The following PRICKLE2 variants were observed in gnomAD, a reference collection of about 807,000 sequenced individuals.
PRICKLE2 encodes the protein prickle-like protein 2.
In PRICKLE2, 21 loss-of-function variants were observed where a neutral mutation model predicts 81.4. That is an observed-to-expected ratio of 0.26 (90% confidence interval 0.18 to 0.37). PRICKLE2 has a LOEUF of 0.37. PRICKLE2 is among the 10% of genes least tolerant of loss of function. PRICKLE2 has a pLI of 1.00. For synonymous variants in PRICKLE2, 456 were observed against 421.5 expected (o/e 1.08, Z -1.00); for missense variants, 940 against 1,109.0 (o/e 0.85, Z 2.16).
intron 7 of PRICKLE2, among the ~76,000 whole-genome samples, chr3:64,126,208 G>T (rs1238927433): frequency 1.3e-5 from 2 of 152,136 alleles, no homozygotes; most frequent in Non-Finnish European, 2.9e-5. Flanking sequence ...TTTTTCTGGG[G>T]CTGAAACAGT....
At chr3:64,168,625 T>G (rs980841952) in intron 2 of PRICKLE2, among the ~76,000 whole-genome samples, 1 of 152,174 alleles carries the variant, frequency 6.6e-6, no homozygotes, top group Non-Finnish European at 1.5e-5. Context: ...CTCATCAGAT[T>G]GAATATCACA....
intron 2 of PRICKLE2, among the ~76,000 whole-genome samples, chr3:64,263,194 C>T (rs561818727): frequency 6.6e-6 from 1 of 152,322 alleles, no homozygotes; most frequent in Non-Finnish European, 1.5e-5. Context: ...AAGAGAACCA[C>T]TGCTAGAAGG....
chr3:64,264,842 C>T (rs1212072391), intron 2 of PRICKLE2, among the ~76,000 whole-genome samples: 1 of 152,144 alleles, frequency 6.6e-6, no homozygotes, highest in Non-Finnish European at 1.5e-5. Context: ...GGCATCTTGC[C>T]TGGGAAGATG....
chr3:64,098,929 A>G lies in PRICKLE2; in HGVS notation c.*122T>C. The G allele has an allele frequency of 9.1e-7, 1 of 1,103,068 alleles. No individual in the cohort carries two copies. The highest frequency in any genetic ancestry group is 1.4e-6 in the Non-Finnish European group (1 of 724,236). 68.3% of individuals were successfully genotyped at this position (1,103,068 alleles called of 1,614,324 possible). Reference sequence around the variant, plus strand: ...TGTAACCTTGCCTCCATCTACTGACAGCATTTTCCCTTTTCTCCCCCATAA... The same window carrying G: ...TGTAACCTTGCCTCCATCTACTGACGGCATTTTCCCTTTTCTCCCCCATAA... On this transcript the variant is annotated 3_prime_UTR_variant, in exon 8 of 8. Transcript: ENST00000638394.
chr3:64,099,339 A>C lies in PRICKLE2; in HGVS notation c.2247T>G (p.Pro749=). 3 of 1,614,208 alleles carry C rather than the reference A, an allele frequency of 1.9e-6. No individual in the cohort carries two copies. The highest frequency in any genetic ancestry group is 2.5e-6 in the Non-Finnish European group (3 of 1,180,012). Residue 749 remains proline (P), a synonymous_variant, in exon 8 of 8, where the codon CCT becomes CCG. Transcript: ENST00000638394. This position sits in a 1 kb window ranked among gnomAD's most constrained non-coding sequence, Gnocchi z 4.3. ...GSRRDLYGQC[P]RTVSDLALQN... ...GCAAAGCCAGGTCCGACACAGTCCT[A>C]GGGCACTGGCCGTACAGGTCCCTCC...
intron 3 of PRICKLE2, among the ~76,000 whole-genome samples, chr3:64,161,121 GAGAGAT>G (rs2077726503): frequency 7.9e-6 from 1 of 127,258 alleles, no homozygotes; most frequent in South Asian, 2.7e-4. Flanking sequence ...GTGTGAGTTA[GAGAGAT>G]ATGAGACACC....
chr3:64,244,203 C>T (rs943645798), intron 2 of PRICKLE2, among the ~76,000 whole-genome samples: 1 of 152,190 alleles, frequency 6.6e-6, no homozygotes, highest in African/African-American at 2.4e-5. Flanking sequence ...AACCACAGTC[C>T]TGGAACACCT....
In PRICKLE2 at chr3:64,097,465, C is replaced by A. The variant is rs956468565; in HGVS notation, c.*1586G>T. Reference sequence around the variant, plus strand: ...TGGGTCATCCGATGGATTATTTCAACTGCCACAATCCATTAAGGGGAGGAG... The same window carrying A: ...TGGGTCATCCGATGGATTATTTCAAATGCCACAATCCATTAAGGGGAGGAG... On this transcript the variant is annotated 3_prime_UTR_variant, in exon 8 of 8. Transcript: ENST00000638394. 4 of 152,600 alleles carry A rather than the reference C, an allele frequency of 2.6e-5. No individual in the cohort carries two copies. The highest frequency in any genetic ancestry group is 4.4e-5 in the Non-Finnish European group (3 of 68,032). 9.5% of individuals were successfully genotyped at this position (152,600 alleles called of 1,614,324 possible).
intron 2 of PRICKLE2, among the ~76,000 whole-genome samples, chr3:64,230,498 C>T (rs2079087402): frequency 6.6e-6 from 1 of 152,130 alleles, no homozygotes. Context: ...ATATTTGAAA[C>T]ATGTGAAGCT....
At chr3:64,199,031 G>A in intron 1 of PRICKLE2, 64 bp from the exon 2 acceptor site, 7 of 1,465,274 alleles carry the variant, frequency 4.8e-6, no homozygotes, top group Non-Finnish European at 5.6e-6. Context: ...CCAAGAGCCT[G>A]CCAGTCACTA....
At chr3:64,251,148 T>C (rs1261120677) in intron 2 of PRICKLE2, among the ~76,000 whole-genome samples, 1 of 152,212 alleles carries the variant, frequency 6.6e-6, no homozygotes, top group Non-Finnish European at 1.5e-5. Context: ...ATCCAACATG[T>C]GGTGCCCAGT....
chr3:64,231,141 T>C (rs2079095305), intron 2 of PRICKLE2, among the ~76,000 whole-genome samples: 1 of 152,218 alleles, frequency 6.6e-6, no homozygotes, highest in Admixed American at 6.5e-5. Context: ...TTGATCCCGA[T>C]AATCTAACAC....
intron 2 of PRICKLE2, among the ~76,000 whole-genome samples, chr3:64,263,732 A>G (rs1300712679): frequency 6.6e-6 from 1 of 152,156 alleles, no homozygotes; most frequent in African/African-American, 2.4e-5. Context: ...CTTGATGGAA[A>G]CATAACTGTC....
At chr3:64,247,494 T>C (rs1219037047) in intron 2 of PRICKLE2, among the ~76,000 whole-genome samples, 1 of 152,224 alleles carries the variant, frequency 6.6e-6, no homozygotes, top group Non-Finnish European at 1.5e-5. Context: ...ACATCATACA[T>C]AATCTCCTGT....
chr3:64,125,747 T>C (rs2106975521), intron 7 of PRICKLE2, among the ~76,000 whole-genome samples: 1 of 152,344 alleles, frequency 6.6e-6, no homozygotes, highest in South Asian at 2.1e-4. Flanking sequence ...ACCAAAAAAT[T>C]TGCATGACTC....
intron 6 of PRICKLE2, among the ~76,000 whole-genome samples, chr3:64,152,614 C>T (rs549041373): frequency 7.9e-5 from 12 of 152,054 alleles, no homozygotes; most frequent in African/African-American, 2.9e-4. Context: ...AATCCCTCTC[C>T]ACCAAGAGAC....
chr3:64,266,561 A>T (rs1292614746), intron 2 of PRICKLE2, among the ~76,000 whole-genome samples: 7 of 152,258 alleles, frequency 4.6e-5, no homozygotes, highest in Non-Finnish European at 7.3e-5. Context: ...GCATATATAA[A>T]TTCTTCACTG....
At chr3:64,242,204 T>C (rs2079276931) in intron 2 of PRICKLE2, among the ~76,000 whole-genome samples, 1 of 152,200 alleles carries the variant, frequency 6.6e-6, no homozygotes, top group African/African-American at 2.4e-5. Flanking sequence ...AAATAAATAA[T>C]GTGCACATAA....
chr3:64,150,991 C>G (rs1271958426), intron 6 of PRICKLE2, among the ~76,000 whole-genome samples: 1 of 152,144 alleles, frequency 6.6e-6, no homozygotes, highest in Non-Finnish European at 1.5e-5. Flanking sequence ...TTCTCTAAGC[C>G]CTTTAAGTAC....
Sources: allele counts gnomAD v4.1 joint callset (sites outside exome capture counted in the v4.1 genomes callset), GRCh38; gene constraint gnomAD v4.1.1; non-coding constraint Gnocchi (gnomAD v3.1); transcripts MANE v1.5; gene names NCBI Gene and HGNC (gene_info 2026-07-23, HGNC 2026-07-21).